KCND2: variants seen among roughly 807,000 people sequenced by gnomAD.
The protein encoded by KCND2 is A-type voltage-gated potassium channel KCND2.
A neutral mutation model predicts 54.4 loss-of-function variants in KCND2; 16 were observed. The ratio of observed to expected loss-of-function variants is 0.29; its 90% CI spans 0.20 to 0.45. The LOEUF (loss-of-function observed/expected upper bound fraction) is 0.45. Ranked by LOEUF, KCND2 falls within the 20% of genes least tolerant of loss-of-function variation. KCND2 has a pLI of 1.00. For synonymous variants in KCND2, 317 were observed against 310.7 expected, an observed-to-expected ratio of 1.02 and a Z score of -0.21; for missense variants, 486 against 824.2, an observed-to-expected ratio of 0.59 and a Z score of 5.02.
At chr7:120,507,569 G>T (rs146375043) in intron 1 of KCND2, among the ~76,000 whole-genome samples, 1 of 151,730 alleles carries the variant, frequency 6.6e-6, no homozygotes, top group Non-Finnish European at 1.5e-5. Flanking sequence ...TTCCTCCTTC[G>T]TCTTGGTTGG....
At chr7:120,353,660 C>A (rs921161805) in intron 1 of KCND2, among the ~76,000 whole-genome samples, 8 of 152,070 alleles carry the variant, frequency 5.3e-5, no homozygotes, top group African/African-American at 1.9e-4. Context: ...ACATATGGGT[C>A]TATAGCTCAA....
intron 1 of KCND2, among the ~76,000 whole-genome samples, chr7:120,404,691 C>A (rs1801323411): frequency 6.6e-6 from 1 of 152,090 alleles, no homozygotes; most frequent in Admixed American, 6.6e-5. Context: ...TACTCTTAAC[C>A]TTTCTTAGAT....
At chr7:120,607,845 A>T (rs1792901770) in intron 1 of KCND2, among the ~76,000 whole-genome samples, 2 of 152,084 alleles carry the variant, frequency 1.3e-5, no homozygotes, top group South Asian at 4.1e-4. Context: ...TAGACAAAGG[A>T]AACAGAAAGA....
intron 1 of KCND2, among the ~76,000 whole-genome samples, chr7:120,662,701 C>T (rs1333119553): frequency 6.6e-6 from 1 of 152,154 alleles, no homozygotes; most frequent in Non-Finnish European, 1.5e-5. Flanking sequence ...ATAACTCAGC[C>T]ACCTGCATAA....
intron 1 of KCND2, among the ~76,000 whole-genome samples, chr7:120,343,864 C>T (rs764919947): frequency 6.6e-6 from 1 of 152,132 alleles, no homozygotes; most frequent in Non-Finnish European, 1.5e-5. Flanking sequence ...TATGCATGTG[C>T]ACTTGCAAAT....
At chr7:120,672,672 G>A (rs1007649446) in intron 1 of KCND2, among the ~76,000 whole-genome samples, 1 of 152,062 alleles carries the variant, frequency 6.6e-6, no homozygotes, top group African/African-American at 2.4e-5. Flanking sequence ...AGATCTATCA[G>A]CAGATCAGAT....
At position 120,440,866 on chromosome 7, in the gene KCND2, A is replaced by G. The variant is rs1214952234; in HGVS notation, c.1115+165119A>G. ...AATAATCTCTGTAATATCACAATCT[A>G]TTTTTCAATAAGCCAGTTTTCAGAA... On this transcript the variant is annotated intron_variant, in intron 1 of 5. Transcript: ENST00000331113. Among the ~76,000 whole-genome samples, 4 of 152,066 alleles carry G rather than the reference A, an allele frequency of 2.6e-5. No individual in the cohort carries two copies. The East Asian group carries it at 5.8e-4, about 22-fold the overall frequency.
chr7:120,737,055 CACACACACACACACACACACAA>C (rs1233051157), intron 2 of KCND2, among the ~76,000 whole-genome samples: 10 of 143,988 alleles, frequency 6.9e-5, no homozygotes, highest in Admixed American at 2.1e-4. Flanking sequence ...CACACACACA[CACACACACACACACACACACAA>C]ACAAAAAAAA....
chr7:120,524,065 A>G (rs1262226692), intron 1 of KCND2, among the ~76,000 whole-genome samples: 1 of 151,748 alleles, frequency 6.6e-6, no homozygotes, highest in Non-Finnish European at 1.5e-5. Context: ...GTGAAACCCC[A>G]TCTCTCCTAA....
At chr7:120,720,786 C>CT (rs1213847696) in intron 1 of KCND2, among the ~76,000 whole-genome samples, 2 of 152,116 alleles carry the variant, frequency 1.3e-5, no homozygotes, top group African/African-American at 4.8e-5. Context: ...CCTGGGTTAT[C>CT]TTATGGGATG....
chr7:120,500,990 A>G (rs1422023518), intron 1 of KCND2, among the ~76,000 whole-genome samples: 2 of 149,978 alleles, frequency 1.3e-5, no homozygotes, highest in Non-Finnish European at 3.0e-5. Context: ...TTTTTGTGTG[A>G]AAAAAAAATA....
intron 1 of KCND2, among the ~76,000 whole-genome samples, chr7:120,565,437 T>C (rs1306658465): frequency 6.6e-6 from 1 of 152,224 alleles, no homozygotes; most frequent in African/African-American, 2.4e-5. Context: ...TTGGTCTGCA[T>C]CTTTAGTAAA....
chr7:120,448,653 A>T (rs2116212247), intron 1 of KCND2, among the ~76,000 whole-genome samples: 1 of 152,308 alleles, frequency 6.6e-6, no homozygotes, highest in East Asian at 1.9e-4. Context: ...ATCCCTGATG[A>T]ACATTGATGC....
chr7:120,335,476 TTTA>T (rs1800136380), intron 1 of KCND2, among the ~76,000 whole-genome samples: 1 of 133,680 alleles, frequency 7.5e-6, no homozygotes, highest in African/African-American at 2.7e-5. Flanking sequence ...TACTTATTTA[TTTA>T]TTTATTTATT....
intron 1 of KCND2, among the ~76,000 whole-genome samples, chr7:120,350,806 C>G (rs1214818592): frequency 6.6e-6 from 1 of 152,136 alleles, no homozygotes; most frequent in Admixed American, 6.6e-5. Flanking sequence ...CAAGTGAAAT[C>G]AATTGCCAAC....
intron 1 of KCND2, among the ~76,000 whole-genome samples, chr7:120,500,279 A>G (rs914282696): frequency 1.3e-5 from 2 of 152,192 alleles, no homozygotes; most frequent in African/African-American, 2.4e-5. Flanking sequence ...AAAGGCAGAG[A>G]TAGGTACACA....
chr7:120,461,981 G>A (rs1802290402), intron 1 of KCND2, among the ~76,000 whole-genome samples: 1 of 151,956 alleles, frequency 6.6e-6, no homozygotes, highest in Non-Finnish European at 1.5e-5. Flanking sequence ...GGAGATTAAG[G>A]CACTTAGATA....
chr7:120,421,025 G>T (rs117204013), intron 1 of KCND2, among the ~76,000 whole-genome samples: 2 of 152,260 alleles, frequency 1.3e-5, no homozygotes, highest in East Asian at 3.9e-4. Flanking sequence ...TGGCAAGTAC[G>T]TGTATTTGAT....
chr7:120,388,758 A>G (rs1180399469), intron 1 of KCND2, among the ~76,000 whole-genome samples: 1 of 151,920 alleles, frequency 6.6e-6, no homozygotes, highest in Non-Finnish European at 1.5e-5. Context: ...TGAGTGGTAC[A>G]TTTTTGTTGA....
Sources: allele counts gnomAD v4.1 joint callset (sites outside exome capture counted in the v4.1 genomes callset), GRCh38; gene constraint gnomAD v4.1.1; transcripts MANE v1.5; gene names NCBI Gene and HGNC (gene_info 2026-07-23, HGNC 2026-07-21).